CCSER1: variants seen among roughly 807,000 people sequenced by gnomAD.
CCSER1 encodes the protein serine-rich coiled-coil domain-containing protein 1.
CCSER1 carries 41 observed loss-of-function variants against 82.0 expected under a neutral mutation model. The observed-to-expected ratio is 0.50, with a 90% CI of 0.39 to 0.65. CCSER1 has a LOEUF of 0.65. CCSER1 is among the 30% of genes least tolerant of loss of function. The pLI is 0.00. For missense variants in CCSER1, 1,119 were observed against 1,064.2 expected, an observed-to-expected ratio of 1.05 and a Z score of -0.72; for synonymous variants, 414 against 383.9, an observed-to-expected ratio of 1.08 and a Z score of -0.92.
intron 1 of CCSER1, among the ~76,000 whole-genome samples, chr4:90,302,893 G>A (rs563220514): frequency 2.6e-4 from 39 of 152,214 alleles, no homozygotes; most frequent in South Asian, 1.9e-3. Context: ...CAGTGAAAGC[G>A]GAGCATGAAG....
intron 3 of CCSER1, among the ~76,000 whole-genome samples, chr4:90,366,993 TA>T (rs1014669064): frequency 3.3e-5 from 5 of 151,822 alleles, no homozygotes; most frequent in African/African-American, 1.2e-4. Flanking sequence ...ATGAAGCATA[TA>T]GGGGTAGATA....
chr4:91,092,460 A>G (rs1724062465), intron 10 of CCSER1, among the ~76,000 whole-genome samples: 1 of 152,204 alleles, frequency 6.6e-6, no homozygotes, highest in Non-Finnish European at 1.5e-5. Flanking sequence ...AAGATCTTCA[A>G]AGGGAGCTGC....
In CCSER1 at chr4:90,595,134, A is replaced by G. The variant is rs183975957; in HGVS notation, c.1725-32891A>G. 1.2e-3 allele frequency among the ~76,000 whole-genome samples: 182 copies of G among 152,128 alleles called. 1 individual carries two copies. The highest frequency in any genetic ancestry group is 4.0e-3 in the African/African-American group (166 of 41,560). On this transcript the variant is annotated intron_variant, in intron 5 of 10. Transcript: ENST00000509176. ...ACTATAAATTCTTAAACTTGATTTC[A>G]TCCAGTAGTTCTTATCATGTAATTT...
chr4:91,324,946 C>G (rs1429643624), intron 10 of CCSER1, among the ~76,000 whole-genome samples: 1 of 152,124 alleles, frequency 6.6e-6, no homozygotes, highest in African/African-American at 2.4e-5. Context: ...TTGTAATCCC[C>G]TAGTGTTGAA....
In CCSER1 at chr4:90,865,689, A is replaced by AT. The variant is rs142237587; in HGVS notation, c.2094+49845dup. ...TAATCATTTCAGTATGAAAGATGTT[A>AT]TAAATCATTTAACACCTAGGGGACA... On this transcript the variant is annotated intron_variant, in intron 8 of 10. Transcript: ENST00000509176. Among the ~76,000 whole-genome samples, 1,504 of 152,144 alleles carry AT rather than the reference A, an allele frequency of 9.9e-3. 27 individuals are homozygous for AT. The highest frequency in any genetic ancestry group is 0.035 in the African/African-American group (1,439 of 41,530).
chr4:90,751,042 A>G (rs972417710), intron 7 of CCSER1, among the ~76,000 whole-genome samples: 1 of 152,116 alleles, frequency 6.6e-6, no homozygotes, highest in Non-Finnish European at 1.5e-5. Context: ...TATTTCATGA[A>G]AAGATTTAAC....
At chr4:91,194,036 C>G (rs767667732) in intron 10 of CCSER1, among the ~76,000 whole-genome samples, 1 of 152,150 alleles carries the variant, frequency 6.6e-6, no homozygotes, top group Non-Finnish European at 1.5e-5. Context: ...GTGGCATGAT[C>G]TCAGCTCACT....
chr4:90,249,722 G>T (rs1722054261), intron 1 of CCSER1, among the ~76,000 whole-genome samples: 1 of 152,040 alleles, frequency 6.6e-6, no homozygotes, highest in South Asian at 2.1e-4. Flanking sequence ...TCTACCACAT[G>T]TATTTTTTTA....
At chr4:90,505,484 G>T (rs1770557792) in intron 5 of CCSER1, among the ~76,000 whole-genome samples, 2 of 152,184 alleles carry the variant, frequency 1.3e-5, no homozygotes, top group Admixed American at 1.3e-4. Flanking sequence ...GGTCTTGGGG[G>T]ATGTCTCCAT....
chr4:90,225,231 A>AT (rs57188209), intron 1 of CCSER1, among the ~76,000 whole-genome samples: 1,929 of 111,514 alleles, frequency 0.017, 34 homozygotes, highest in African/African-American at 0.051. Flanking sequence ...TACCCGGCTA[A>AT]TTTTTTTTTT....
chr4:91,297,390 T>TGA (rs1744290372), intron 10 of CCSER1, among the ~76,000 whole-genome samples: 1 of 89,696 alleles, frequency 1.1e-5, no homozygotes, highest in East Asian at 4.2e-4. Flanking sequence ...TGTGTATGTG[T>TGA]GTGTGTGTGT....
intron 1 of CCSER1, among the ~76,000 whole-genome samples, chr4:90,181,658 A>C (rs1245926917): frequency 1.3e-5 from 2 of 152,190 alleles, no homozygotes; most frequent in Admixed American, 6.6e-5. Flanking sequence ...ATTTTCCCTG[A>C]TTGAAACTTC....
intron 10 of CCSER1, among the ~76,000 whole-genome samples, chr4:91,225,205 A>G (rs926459564): frequency 9.2e-5 from 13 of 141,572 alleles, no homozygotes; most frequent in African/African-American, 3.4e-4. Flanking sequence ...TATAATATAT[A>G]TAATATATAA....
At chr4:90,920,727 T>A (rs891818007) in intron 8 of CCSER1, among the ~76,000 whole-genome samples, 1 of 151,954 alleles carries the variant, frequency 6.6e-6, no homozygotes, top group Non-Finnish European at 1.5e-5. Context: ...AATTGTCTTA[T>A]TTTTCTGACT....
chr4:90,772,386 CATA>C (rs1176556605), intron 7 of CCSER1, among the ~76,000 whole-genome samples: 1 of 151,940 alleles, frequency 6.6e-6, no homozygotes. Context: ...GAGTGAGAGA[CATA>C]ATAAATTTAT....
intron 3 of CCSER1, among the ~76,000 whole-genome samples, chr4:90,376,088 CATTATAGGGTG>C (rs1288181784): frequency 6.6e-6 from 1 of 152,126 alleles, no homozygotes; most frequent in Non-Finnish European, 1.5e-5. Context: ...CAGTCATATG[CATTATAGGGTG>C]ATCACAATTG....
At chr4:90,254,781 G>T (rs534010058) in intron 1 of CCSER1, among the ~76,000 whole-genome samples, 1 of 152,142 alleles carries the variant, frequency 6.6e-6, no homozygotes, top group South Asian at 2.1e-4. Context: ...AGATTTATTT[G>T]ATTTTGCTGA....
intron 7 of CCSER1, among the ~76,000 whole-genome samples, chr4:90,750,115 C>A (rs957143737): frequency 6.6e-6 from 1 of 151,756 alleles, no homozygotes; most frequent in African/African-American, 2.4e-5. Context: ...TGTTCATGTC[C>A]TTCGCCCACT....
intron 5 of CCSER1, among the ~76,000 whole-genome samples, chr4:90,539,845 T>G (rs1775882429): frequency 6.6e-6 from 1 of 152,126 alleles, no homozygotes; most frequent in Non-Finnish European, 1.5e-5. Context: ...TTGAAGGTAT[T>G]AAGTGATCAC....
Sources: gnomAD v4.1 joint callset for allele counts (sites outside exome capture counted in the v4.1 genomes callset) on GRCh38, gnomAD v4.1.1 for gene constraint, MANE v1.5 for transcripts, NCBI Gene and HGNC (gene_info 2026-07-23, HGNC 2026-07-21) for gene names.